The following GRIN2A variants were observed in gnomAD, a reference collection of about 807,000 sequenced individuals.
GRIN2A encodes glutamate ionotropic receptor NMDA type subunit 2A.
GRIN2A carries 22 observed loss-of-function variants against 113.4 expected under a neutral mutation model. The ratio of observed to expected loss-of-function variants is 0.19; its 90% CI spans 0.14 to 0.28. GRIN2A has a LOEUF of 0.28. GRIN2A is among the 10% of genes least tolerant of loss of function. The pLI is 1.00. For missense variants in GRIN2A, 1,502 were observed against 1,887.0 expected (o/e 0.80, Z 3.78); for synonymous variants, 827 against 738.4 (o/e 1.12, Z -1.94).
chr16:9,943,215 G>A (rs991850623), intron 2 of GRIN2A: 1 of 152,256 alleles, frequency 6.6e-6, no homozygotes, highest in African/African-American at 2.4e-5. Flanking sequence ...TCCTTAGAAT[G>A]TGCAGCTGGG....
chr16:10,112,093 A>T, intron 2 of GRIN2A: 1 of 603,152 alleles, frequency 1.7e-6, no homozygotes, highest in East Asian at 3.3e-5. Context: ...GCCTCCAAGG[A>T]TTCCCACAAG....
chr16:10,054,413 T>C (rs1470151114), intron 2 of GRIN2A, among the ~76,000 whole-genome samples: 1 of 152,188 alleles, frequency 6.6e-6, no homozygotes, highest in African/African-American at 2.4e-5. Context: ...TAAAGAGATA[T>C]AAGAAGGTTG....
intron 2 of GRIN2A, among the ~76,000 whole-genome samples, chr16:9,982,485 C>T (rs1428919144): frequency 6.6e-6 from 1 of 152,178 alleles, no homozygotes; most frequent in African/African-American, 2.4e-5. Flanking sequence ...CCTTTGTCAG[C>T]TATTTGGCCT....
intron 2 of GRIN2A, among the ~76,000 whole-genome samples, chr16:10,086,410 T>C (rs186912119): frequency 6.6e-6 from 1 of 152,134 alleles, no homozygotes; most frequent in East Asian, 1.9e-4. Flanking sequence ...TGAGGAGAGA[T>C]TGTGCATTCT....
Position 9,937,963 on chromosome 16 carries a change from G to C in GRIN2A, c.1003C>G (p.His335Asp). 6.2e-7 allele frequency: 1 copy of C among 1,610,828 alleles called. No homozygotes were observed. Among genetic ancestry groups the C allele is most frequent in the South Asian group, 1.1e-5 (1 of 90,986 alleles). Residue 335 changes from histidine to aspartate, a missense_variant, in exon 3 of 13, where the codon CAC becomes GAC. Transcript: ENST00000330684. ...ERPEVPMHTL[H>D]PFMVNVTWDG... is the part of the protein sequence containing the mutation. Reference sequence around the variant, plus strand: ...AGACAACAAGCCCTTTCTTACGGGTGCAAGGTGTGCATCGGGACCTCTGGC... The same window carrying C: ...AGACAACAAGCCCTTTCTTACGGGTCCAAGGTGTGCATCGGGACCTCTGGC...
At chr16:9,924,425 C>T (rs1016842188) in intron 3 of GRIN2A, among the ~76,000 whole-genome samples, 11 of 152,086 alleles carry the variant, frequency 7.2e-5, no homozygotes, top group East Asian at 3.9e-4. Flanking sequence ...GTATTGTTTC[C>T]GACGAGAAGT....
In GRIN2A at chr16:9,764,750, T is replaced by C. The variant is rs758671206; in HGVS notation, c.2794A>G (p.Met932Val). 19 of 1,614,226 alleles carry C rather than the reference T, an allele frequency of 1.2e-5. No individual in the cohort carries two copies. The highest frequency in any genetic ancestry group is 1.4e-5 in the Non-Finnish European group (17 of 1,180,014). ...TTCCCCTTATCTGAAACCATGTCCA[T>C]GATGAGGGAACCTCTTTGGATGAAG... is the stretch of plus-strand genomic sequence containing the variant. Reference protein sequence around the residue: ...ADFIQRGSLIMDMVSDKGNLM... With the variant: ...ADFIQRGSLIVDMVSDKGNLM... The change falls in exon 13 of 13, where the codon ATG (methionine) becomes GTG (valine). Residue 932 changes from methionine to valine, a missense_variant. Met to Val is a conservative substitution (Grantham distance 21, BLOSUM62 1). Coordinates refer to ENST00000330684, the MANE Select transcript of GRIN2A (RefSeq NM_001134407.3).
At chr16:9,939,903 T>A (rs117611558) in intron 2 of GRIN2A, among the ~76,000 whole-genome samples, 119 of 152,264 alleles carry the variant, frequency 7.8e-4, no homozygotes, top group East Asian at 5.2e-3. Context: ...TTCAGGGAAC[T>A]GAAAGAATTA....
intron 2 of GRIN2A, among the ~76,000 whole-genome samples, chr16:10,021,069 G>C (rs901708402): frequency 1.3e-5 from 2 of 152,122 alleles, no homozygotes; most frequent in African/African-American, 4.8e-5. Context: ...CAATTCAGCA[G>C]AAGTCCTTTC....
chr16:9,976,049 G>C (rs1168797563), intron 2 of GRIN2A, among the ~76,000 whole-genome samples: 2 of 152,128 alleles, frequency 1.3e-5, no homozygotes, highest in African/African-American at 4.8e-5. Context: ...CACAATCACA[G>C]TTTCTCTTCA....
chr16:9,988,328 C>T (rs1235235293), intron 2 of GRIN2A, among the ~76,000 whole-genome samples: 1 of 148,828 alleles, frequency 6.7e-6, no homozygotes, highest in East Asian at 2.0e-4. Flanking sequence ...AGAGGTCTTA[C>T]AAACACACAT....
intron 2 of GRIN2A, among the ~76,000 whole-genome samples, chr16:10,133,521 CG>C (rs1331861797): frequency 1.3e-5 from 2 of 152,108 alleles, no homozygotes; most frequent in African/African-American, 4.8e-5. Context: ...GCACGAGAAG[CG>C]CTTGAACCCG....
chr16:9,896,822 A>G (rs2043816389), intron 3 of GRIN2A, among the ~76,000 whole-genome samples: 1 of 152,188 alleles, frequency 6.6e-6, no homozygotes, highest in Non-Finnish European at 1.5e-5. Flanking sequence ...CTTTCTTCCC[A>G]TTTAAACTTG....
At chr16:10,182,494 GA>G (rs1178937742), upstream of GRIN2A, 3 of 152,260 alleles carry the variant, frequency 2.0e-5, no homozygotes, top group Non-Finnish European at 4.4e-5. Context: ...GAGGGGGAGG[GA>G]AGGACGCGGG....
At chr16:10,051,160 T>C (rs1332168289) in intron 2 of GRIN2A, among the ~76,000 whole-genome samples, 1 of 152,200 alleles carries the variant, frequency 6.6e-6, no homozygotes, top group Non-Finnish European at 1.5e-5. Flanking sequence ...TAAGAAACAC[T>C]GTGTGCAACA....
At chr16:10,113,994 G>T (rs541819660) in intron 2 of GRIN2A, among the ~76,000 whole-genome samples, 1 of 151,390 alleles carries the variant, frequency 6.6e-6, no homozygotes, top group Non-Finnish European at 1.5e-5. Flanking sequence ...GACCAACCTG[G>T]ATAACAAAGA....
intron 2 of GRIN2A, among the ~76,000 whole-genome samples, chr16:10,169,533 C>CT: frequency 6.6e-6 from 1 of 152,112 alleles, no homozygotes; most frequent in Non-Finnish European, 1.5e-5. Flanking sequence ...TTTTCTCTCC[C>CT]TTTTTTTCCA....
At chr16:10,045,470 T>A (rs2047242249) in intron 2 of GRIN2A, among the ~76,000 whole-genome samples, 1 of 152,128 alleles carries the variant, frequency 6.6e-6, no homozygotes, top group Non-Finnish European at 1.5e-5. Context: ...GAATCTGCAC[T>A]GCTCTGGCTA....
chr16:10,180,993 G>T lies in GRIN2A; in HGVS notation c.-18-564C>A, dbSNP rs2050258466. Among the ~76,000 whole-genome samples the T allele has an allele frequency of 6.6e-6, 1 of 152,154 alleles. No individual in the cohort carries two copies. Among genetic ancestry groups the T allele is most frequent in the South Asian group, 2.1e-4 (1 of 4,836 alleles). On this transcript the variant is annotated intron_variant, in intron 1 of 12. Transcript: ENST00000330684. The surrounding 1 kb of genome is among the most constrained non-coding windows in gnomAD (Gnocchi z 7.0). ...ACCCCGCCCCCTACGAGCCCGTCGT[G>T]TGCACCACACACTTTGCTCTACGCC...
Sources: gnomAD v4.1 joint callset for allele counts (sites outside exome capture counted in the v4.1 genomes callset) on GRCh38, gnomAD v4.1.1 for gene constraint, Gnocchi (gnomAD v3.1) non-coding constraint, MANE v1.5 for transcripts, NCBI Gene and HGNC (gene_info 2026-07-23, HGNC 2026-07-21) for gene names.